The following ANK3 variants were observed in gnomAD, a reference collection of about 807,000 sequenced individuals.
The protein encoded by ANK3 is ankyrin 3, also known as ankyrin-3.
A neutral mutation model predicts 370.9 loss-of-function variants in ANK3; 57 were observed. The observed-to-expected ratio is 0.15, with a 90% confidence interval of 0.12 to 0.19. The LOEUF (loss-of-function observed/expected upper bound fraction) is 0.19, where lower values mean the gene tolerates loss of function less well. Among genes scored for constraint, ANK3 ranks in the 10% least tolerant of loss-of-function variants. ANK3 has a pLI of 1.00. For synonymous variants in ANK3, 1,929 were observed against 1,946.3 expected (o/e 0.99, Z 0.23); for missense variants, 4,439 against 5,302.1 (o/e 0.84, Z 5.06).
intron 2 of ANK3, among the ~76,000 whole-genome samples, chr10:60,412,378 C>T (rs917090295): frequency 2.6e-5 from 4 of 152,158 alleles, no homozygotes; most frequent in Non-Finnish European, 5.9e-5. Flanking sequence ...CCATCTTCTC[C>T]AGCTTAGTTC....
chr10:60,107,746 T>TACAC (rs147933796), intron 27 of ANK3, among the ~76,000 whole-genome samples: 74 of 151,784 alleles, frequency 4.9e-4, no homozygotes, highest in African/African-American at 1.7e-3. Context: ...AAGATCTAAT[T>TACAC]ACACACACAC....
intron 28 of ANK3, among the ~76,000 whole-genome samples, chr10:60,097,731 C>T (rs2090419629): frequency 6.6e-6 from 1 of 152,098 alleles, no homozygotes; most frequent in Non-Finnish European, 1.5e-5. Flanking sequence ...TCGATCACTT[C>T]GTTAAATGGG....
At chr10:60,540,715 T>A (rs2076827706) in intron 2 of ANK3, among the ~76,000 whole-genome samples, 1 of 151,884 alleles carries the variant, frequency 6.6e-6, no homozygotes, top group African/African-American at 2.4e-5. Flanking sequence ...TTGGGCAAAT[T>A]ATTGCATCTT....
chr10:60,428,871 T>C (rs1328105469), intron 2 of ANK3, among the ~76,000 whole-genome samples: 7 of 152,206 alleles, frequency 4.6e-5, no homozygotes, highest in African/African-American at 1.7e-4. Context: ...GAAAGACATG[T>C]CTTAACTTGC....
intron 2 of ANK3, among the ~76,000 whole-genome samples, chr10:60,520,640 A>G (rs1237028209): frequency 6.6e-6 from 1 of 152,114 alleles, no homozygotes; most frequent in Non-Finnish European, 1.5e-5. Flanking sequence ...TCTCCTGACC[A>G]TCTAGGTCAT....
chr10:60,526,944 T>TA (rs2076486828), intron 2 of ANK3, among the ~76,000 whole-genome samples: 1 of 152,268 alleles, frequency 6.6e-6, no homozygotes, highest in African/African-American at 2.4e-5. Flanking sequence ...TTTCTGAATA[T>TA]ATGTATTGTG....
chr10:60,611,829 G>A (rs564915568), intron 2 of ANK3, among the ~76,000 whole-genome samples: 10 of 150,264 alleles, frequency 6.7e-5, no homozygotes, highest in African/African-American at 1.5e-4. Flanking sequence ...AAGTGACCTC[G>A]GTTTCTTAAA....
In ANK3 at chr10:60,405,131, A is replaced by G. The variant is rs542309475; in HGVS notation, c.97-125492T>C. Among the ~76,000 whole-genome samples, 11 of 152,302 alleles carry G rather than the reference A, an allele frequency of 7.2e-5. No individual in the cohort carries two copies. The South Asian group carries it at 1.4e-3, about 20-fold the overall frequency. On this transcript the variant is annotated intron_variant, in intron 2 of 43. Transcript: ENST00000373827. ...AAAACATTTGGCAGTTTCTTATAAA[A>G]TAATACAAACACCTACCCTATAACC...
At chr10:60,285,013 C>T (rs1207596007) in intron 1 of ANK3, among the ~76,000 whole-genome samples, 1 of 152,042 alleles carries the variant, frequency 6.6e-6, no homozygotes, top group Non-Finnish European at 1.5e-5. Context: ...TTTCCTTCCA[C>T]TTTTCTACCC....
intron 2 of ANK3, among the ~76,000 whole-genome samples, chr10:60,440,107 T>G (rs1352979937): frequency 1.3e-5 from 2 of 152,074 alleles, no homozygotes; most frequent in Admixed American, 6.6e-5. Flanking sequence ...TTACAACAAT[T>G]CATGCAAAAA....
At chr10:60,058,866 T>C (rs896740090) in intron 41 of ANK3, among the ~76,000 whole-genome samples, 1 of 152,204 alleles carries the variant, frequency 6.6e-6, no homozygotes, top group Non-Finnish European at 1.5e-5. Context: ...GCAGTTCTCC[T>C]GCCTCAGCCT....
Position 60,659,163 on chromosome 10 carries a change from G to A in ANK3, c.58-43939C>T, listed in dbSNP as rs138412654. Among the ~76,000 whole-genome samples the A allele has an allele frequency of 2.9e-3, 444 of 152,278 alleles. 3 individuals carry two copies. Among genetic ancestry groups the A allele is most frequent in the African/African-American group, 0.01 (419 of 41,580 alleles). On this transcript the variant is annotated intron_variant, in intron 1 of 43. Coordinates refer to the ANK3 transcript ENST00000373827. ...AAATATCTTTGTGATCTTGAGTTATGCAAAGATTTCTTGGGACACAAAAAG... is the reference window on the plus strand; with the variant it reads ...AAATATCTTTGTGATCTTGAGTTATACAAAGATTTCTTGGGACACAAAAAG...
chr10:60,302,189 T>C (rs180727286), intron 1 of ANK3, among the ~76,000 whole-genome samples: 1 of 152,280 alleles, frequency 6.6e-6, no homozygotes, highest in African/African-American at 2.4e-5. Context: ...TTGAATATGT[T>C]CAAAGTGATA....
intron 1 of ANK3, among the ~76,000 whole-genome samples, chr10:60,355,077 A>G (rs973094348): frequency 3.3e-5 from 5 of 152,220 alleles, no homozygotes; most frequent in Non-Finnish European, 7.3e-5. Context: ...GAAATAGTAC[A>G]TAAGAAAAAA....
intron 1 of ANK3, among the ~76,000 whole-genome samples, chr10:60,708,535 C>A (rs2079651791): frequency 6.6e-6 from 1 of 152,176 alleles, no homozygotes; most frequent in Non-Finnish European, 1.5e-5. Flanking sequence ...CTCACGAGTC[C>A]AGCAGGGGAA....
chr10:60,436,998 C>T (rs766371058), intron 2 of ANK3, among the ~76,000 whole-genome samples: 32 of 152,254 alleles, frequency 2.1e-4, no homozygotes, highest in African/African-American at 7.7e-4. Context: ...GGAGTCAGAA[C>T]GCACAGGACC....
At chr10:60,503,822 A>G (rs1362041810) in intron 2 of ANK3, among the ~76,000 whole-genome samples, 1 of 152,158 alleles carries the variant, frequency 6.6e-6, no homozygotes, top group Non-Finnish European at 1.5e-5. Flanking sequence ...TGTTTGTCCA[A>G]GGTCAAGACA....
At chr10:60,637,324 C>G (rs1330460497) in intron 1 of ANK3, among the ~76,000 whole-genome samples, 3 of 152,130 alleles carry the variant, frequency 2.0e-5, no homozygotes, top group Admixed American at 2.0e-4. Context: ...GTGCTTGATT[C>G]TTCCTGGCAA....
At chr10:60,614,172 T>A (rs1400007037) in intron 2 of ANK3, among the ~76,000 whole-genome samples, 1 of 152,176 alleles carries the variant, frequency 6.6e-6, no homozygotes. Context: ...AATTATAAGT[T>A]AATTAATAGT....
Sources: allele counts gnomAD v4.1 joint callset (sites outside exome capture counted in the v4.1 genomes callset), GRCh38; gene constraint gnomAD v4.1.1; transcripts MANE v1.5; gene names NCBI Gene and HGNC (gene_info 2026-07-23, HGNC 2026-07-21).